PRKAR2B: variants seen among roughly 807,000 people sequenced by gnomAD.
PRKAR2B encodes cAMP-dependent protein kinase type II-beta regulatory subunit.
In PRKAR2B, 14 loss-of-function variants were observed where a neutral mutation model predicts 49.9. The observed-to-expected ratio is 0.28, with a 90% CI of 0.19 to 0.44. PRKAR2B has a LOEUF of 0.44. Ranked by LOEUF, PRKAR2B falls within the 20% of genes least tolerant of loss-of-function variation. PRKAR2B has a pLI of 1.00. For missense variants in PRKAR2B, 393 were observed against 537.9 expected (o/e 0.73, Z 2.67); for synonymous variants, 196 against 197.7 (o/e 0.99, Z 0.07).
intron 2 of PRKAR2B, among the ~76,000 whole-genome samples, chr7:107,102,246 A>G (rs1239664547): frequency 6.6e-6 from 1 of 152,204 alleles, no homozygotes; most frequent in Non-Finnish European, 1.5e-5. Flanking sequence ...GAATTATAAT[A>G]TATTTGCATA....
chr7:107,111,827 C>A (rs1470154559), intron 2 of PRKAR2B, among the ~76,000 whole-genome samples: 2 of 151,644 alleles, frequency 1.3e-5, no homozygotes, highest in Non-Finnish European at 2.9e-5. Flanking sequence ...CACTTCCACC[C>A]CCAATTTAGA....
At chr7:107,052,043 C>CT (rs1274049702) in intron 1 of PRKAR2B, among the ~76,000 whole-genome samples, 1 of 152,192 alleles carries the variant, frequency 6.6e-6, no homozygotes, top group Non-Finnish European at 1.5e-5. Flanking sequence ...CAAAGAGCAT[C>CT]TTTTTCAAAG....
chr7:107,044,898 C>G lies in PRKAR2B; in HGVS notation c.-10C>G, dbSNP rs759313831. 1.6e-5 allele frequency: 26 copies of G among 1,586,724 alleles called. No homozygotes were observed. Among genetic ancestry groups the G allele is most frequent in the East Asian group, 6.9e-5 (3 of 43,332 alleles). On this transcript the variant is annotated 5_prime_UTR_variant, in exon 1 of 11. Coordinates refer to ENST00000265717, the MANE Select transcript of PRKAR2B (RefSeq NM_002736.3). ...GGCGGCGCCCAGGCGCCTGCCGCCC[C>G]GGAGGCAGGATGAGCATCGAGATCC...
intron 3 of PRKAR2B, 21 bp downstream of exon 3, chr7:107,122,025 A>G: frequency 6.6e-7 from 1 of 1,519,076 alleles, no homozygotes; most frequent in South Asian, 1.2e-5. Context: ...TACTGAATGA[A>G]TGAATTTTAA....
intron 2 of PRKAR2B, among the ~76,000 whole-genome samples, chr7:107,118,148 T>TA (rs1795314420): frequency 6.6e-6 from 1 of 152,200 alleles, no homozygotes; most frequent in Admixed American, 6.5e-5. Flanking sequence ...CATCCAGAGA[T>TA]AGAGCCATTC....
At chr7:107,091,602 A>G (rs1431728222) in intron 2 of PRKAR2B, 1 of 152,220 alleles carries the variant, frequency 6.6e-6, no homozygotes, top group African/African-American at 2.4e-5. Flanking sequence ...CTCCCAGAGC[A>G]TGAACATTTC....
intron 2 of PRKAR2B, among the ~76,000 whole-genome samples, chr7:107,093,218 T>C (rs1252006044): frequency 1.3e-5 from 2 of 152,190 alleles, no homozygotes; most frequent in Non-Finnish European, 2.9e-5. Context: ...CTGCTTTCAG[T>C]TCTTTTAGGT....
At chr7:107,077,117 G>T (rs1189783897) in intron 2 of PRKAR2B, 1 of 151,970 alleles carries the variant, frequency 6.6e-6, no homozygotes, top group Non-Finnish European at 1.5e-5. Flanking sequence ...CCAATTTGCT[G>T]GTATAATTAT....
At chr7:107,093,547 A>G (rs1794773728) in intron 2 of PRKAR2B, among the ~76,000 whole-genome samples, 1 of 150,876 alleles carries the variant, frequency 6.6e-6, no homozygotes, top group Non-Finnish European at 1.5e-5. Context: ...GTTCTAGGGT[A>G]CATGTGTACA....
At chr7:107,152,803 G>T (rs766859371) in intron 7 of PRKAR2B, among the ~76,000 whole-genome samples, 10 of 152,198 alleles carry the variant, frequency 6.6e-5, no homozygotes, top group Non-Finnish European at 1.3e-4. Flanking sequence ...ATAAGAGTAG[G>T]TCAGGGATTG....
At chr7:107,121,038 T>A (rs935478075) in intron 2 of PRKAR2B, among the ~76,000 whole-genome samples, 93 of 150,980 alleles carry the variant, frequency 6.2e-4, no homozygotes, top group African/African-American at 2.1e-3. Context: ...TTTTAAAAAA[T>A]TTTAAATTAT....
At position 107,044,917 on chromosome 7, in the gene PRKAR2B, G is replaced by A. The variant is rs370488960; in HGVS notation, c.10G>A (p.Glu4Lys). ...CCGCCCCGGAGGCAGGATGAGCATC[G>A]AGATCCCGGCGGGACTGACGGAGCT... MSI[E>K]IPAGLTELLQ... is the part of the protein sequence containing the mutation. Residue 4 changes from glutamate (E) to lysine (K), a missense_variant, in exon 1 of 11, where the codon GAG becomes AAG. Around this residue, in one of 2 missense-constraint regions of PRKAR2B, gnomAD observed 160 missense variants for 147.6 expected, o/e 1.08. Transcript: ENST00000265717. 2.8e-5 allele frequency: 45 copies of A among 1,597,208 alleles called. No individual in the cohort carries two copies. Among genetic ancestry groups the A allele is most frequent in the African/African-American group, 1.3e-4 (10 of 74,214 alleles).
At chr7:107,059,720 A>ATG (rs1793989782) in intron 1 of PRKAR2B, among the ~76,000 whole-genome samples, 2 of 93,368 alleles carry the variant, frequency 2.1e-5, no homozygotes, top group East Asian at 3.2e-4. Flanking sequence ...GTGTGTGTGT[A>ATG]TGTGTGTTAG....
intron 1 of PRKAR2B, among the ~76,000 whole-genome samples, chr7:107,063,972 A>G (rs1412819076): frequency 6.6e-6 from 1 of 152,198 alleles, no homozygotes; most frequent in South Asian, 2.1e-4. Flanking sequence ...GTACAGACTT[A>G]AAAGAGACAG....
At chr7:107,142,826 G>A (rs920626207) in intron 5 of PRKAR2B, among the ~76,000 whole-genome samples, 12 of 151,704 alleles carry the variant, frequency 7.9e-5, no homozygotes, top group African/African-American at 1.2e-4. Context: ...GCAGTGGTGC[G>A]ATCTCGACCC....
At chr7:107,117,044 A>G (rs1338469950) in intron 2 of PRKAR2B, among the ~76,000 whole-genome samples, 2 of 131,978 alleles carry the variant, frequency 1.5e-5, no homozygotes, top group East Asian at 2.2e-4. Context: ...CCCTACCCCC[A>G]GTCTTTTTGG....
At chr7:107,088,879 C>T (rs887991034) in intron 2 of PRKAR2B, among the ~76,000 whole-genome samples, 2 of 152,168 alleles carry the variant, frequency 1.3e-5, no homozygotes, top group African/African-American at 4.8e-5. Flanking sequence ...GGATTACAGG[C>T]ATGAGCCACT....
chr7:107,147,391 TTTAAA>T (rs1247897983), intron 6 of PRKAR2B, among the ~76,000 whole-genome samples: 3 of 152,212 alleles, frequency 2.0e-5, no homozygotes, highest in Non-Finnish European at 4.4e-5. Flanking sequence ...CATTAGTACT[TTTAAA>T]TACATTTCTT....
At chr7:107,098,426 G>GT (rs1033441177) in intron 2 of PRKAR2B, among the ~76,000 whole-genome samples, 2 of 152,026 alleles carry the variant, frequency 1.3e-5, no homozygotes, top group African/African-American at 4.8e-5. Context: ...TTTTTTGAAG[G>GT]TTTTTAGCTT....
Sources: gnomAD v4.1 joint callset for allele counts (sites outside exome capture counted in the v4.1 genomes callset) on GRCh38, gnomAD v4.1.1 for gene constraint, gnomAD v4.1.1 regional missense constraint, MANE v1.5 for transcripts, NCBI Gene and HGNC (gene_info 2026-07-23, HGNC 2026-07-21) for gene names.